The following STK4 variants were observed in gnomAD, a reference collection of about 807,000 sequenced individuals.
The protein encoded by STK4 is serine/threonine-protein kinase 4.
In STK4, 30 loss-of-function variants were observed where a neutral mutation model predicts 64.9. The ratio of observed to expected loss-of-function variants is 0.46; its 90% confidence interval spans 0.35 to 0.63. The LOEUF (loss-of-function observed/expected upper bound fraction) is 0.63. STK4 is among the 20% of genes least tolerant of loss of function. The probability of loss-of-function intolerance (pLI) is 0.01; values close to 1 mark genes in which losing one functional copy is unlikely to be tolerated. For synonymous variants in STK4, 177 were observed against 199.0 expected, an observed-to-expected ratio of 0.89 and a Z score of 0.93; for missense variants, 466 against 598.5, an observed-to-expected ratio of 0.78 and a Z score of 2.31.
At chr20:45,064,950 T>C (rs1979436464) in intron 10 of STK4, among the ~76,000 whole-genome samples, 1 of 152,220 alleles carries the variant, frequency 6.6e-6, no homozygotes, top group Admixed American at 6.5e-5. Context: ...TTTCTTTCTC[T>C]TGTCTCATTG....
At chr20:45,018,169 C>G (rs978791115) in intron 9 of STK4, among the ~76,000 whole-genome samples, 5 of 152,108 alleles carry the variant, frequency 3.3e-5, no homozygotes, top group African/African-American at 1.2e-4. Context: ...CATACTATTC[C>G]AAGCCAGAGG....
chr20:45,044,103 C>T (rs1429442209), intron 10 of STK4, among the ~76,000 whole-genome samples: 1 of 152,220 alleles, frequency 6.6e-6, no homozygotes, highest in Non-Finnish European at 1.5e-5. Context: ...TTCTTCCTTT[C>T]TTTTCCTTAC....
At chr20:44,973,680 A>G (rs944715551) in intron 2 of STK4, among the ~76,000 whole-genome samples, 16 of 152,196 alleles carry the variant, frequency 1.1e-4, no homozygotes, top group Admixed American at 3.3e-4. Flanking sequence ...TCCTTGCTCT[A>G]CTGTTTACTG....
At chr20:45,074,600 G>T (rs972185736) in intron 10 of STK4, among the ~76,000 whole-genome samples, 1 of 152,132 alleles carries the variant, frequency 6.6e-6, no homozygotes, top group Admixed American at 6.5e-5. Context: ...AGTGGGAAAG[G>T]CGCTGTCCAG....
Position 45,075,254 on chromosome 20 carries a change from C to A in STK4, c.*78C>A. The A allele has an allele frequency of 1.3e-6, 2 of 1,543,216 alleles. No homozygotes were observed. Among genetic ancestry groups the A allele is most frequent in the Non-Finnish European group, 1.7e-6 (2 of 1,144,082 alleles). On this transcript the variant is annotated 3_prime_UTR_variant, in exon 11 of 11. Coordinates refer to ENST00000372806, the MANE Select transcript of STK4 (RefSeq NM_006282.5). ...GGATGGCTTGCCTCATGTTTGTTAGCCAGCACTTCTGCTCTGTCGTCTCTC... is the reference window on the plus strand; with the variant it reads ...GGATGGCTTGCCTCATGTTTGTTAGACAGCACTTCTGCTCTGTCGTCTCTC...
At chr20:44,986,507 A>G (rs899017661) in intron 4 of STK4, among the ~76,000 whole-genome samples, 2 of 151,706 alleles carry the variant, frequency 1.3e-5, no homozygotes, top group South Asian at 2.1e-4. Context: ...CTTGGTAAGG[A>G]CTGACTTTTA....
In STK4 at chr20:44,966,529, A is replaced by G. The variant is rs1413745319; in HGVS notation, c.-40A>G. The G allele has an allele frequency of 5.6e-6, 7 of 1,257,292 alleles. No homozygotes were observed. Among genetic ancestry groups the G allele is most frequent in the South Asian group, 6.9e-5 (2 of 28,792 alleles). 77.9% of individuals were successfully genotyped at this position (1,257,292 alleles called of 1,614,324 possible). A position where few individuals can be genotyped will look rare whatever the true frequency, so the allele number is the denominator to read the frequency against. On this transcript the variant is annotated 5_prime_UTR_variant, in exon 1 of 11. The change abolishes an upstream ATG in the 5' untranslated region. Coordinates refer to ENST00000372806, the MANE Select transcript of STK4 (RefSeq NM_006282.5). ...GCGGGCTCAGGAGGTCCGCGGGAGGATGGAGCAGTGAGCGGGTCTGGGCGG... is the reference window on the plus strand; with the variant it reads ...GCGGGCTCAGGAGGTCCGCGGGAGGGTGGAGCAGTGAGCGGGTCTGGGCGG...
chr20:45,052,346 A>G (rs1249035273), intron 10 of STK4, among the ~76,000 whole-genome samples: 1 of 152,208 alleles, frequency 6.6e-6, no homozygotes, highest in East Asian at 1.9e-4. Flanking sequence ...ATATTATTTT[A>G]CACAGCTGAG....
At chr20:45,031,766 G>A (rs1486225083) in intron 10 of STK4, among the ~76,000 whole-genome samples, 1 of 152,034 alleles carries the variant, frequency 6.6e-6, no homozygotes, top group East Asian at 1.9e-4. Context: ...AGTTGGGCGT[G>A]GTGGCAGATG....
At chr20:45,007,120 C>T (rs1232038660) in intron 9 of STK4, among the ~76,000 whole-genome samples, 1 of 152,118 alleles carries the variant, frequency 6.6e-6, no homozygotes. Flanking sequence ...CTTAGCACTT[C>T]AGCTCATTCC....
At chr20:44,990,820 C>T (rs1261500448) in intron 5 of STK4, among the ~76,000 whole-genome samples, 1 of 152,168 alleles carries the variant, frequency 6.6e-6, no homozygotes, top group Non-Finnish European at 1.5e-5. Context: ...CTTCTTAACT[C>T]TTTCAACCCA....
At chr20:45,022,213 T>C (rs1373278816) in intron 9 of STK4, among the ~76,000 whole-genome samples, 2 of 152,230 alleles carry the variant, frequency 1.3e-5, no homozygotes, top group Non-Finnish European at 2.9e-5. Context: ...CTAATACATA[T>C]GTGCATTTTA....
intron 10 of STK4, among the ~76,000 whole-genome samples, chr20:45,065,081 G>A (rs1463826868): frequency 6.6e-6 from 1 of 151,496 alleles, no homozygotes; most frequent in East Asian, 1.9e-4. Context: ...TTTGCTGTGG[G>A]TTTTTAGTAA....
chr20:44,973,718 A>G (rs2067291366), intron 2 of STK4, among the ~76,000 whole-genome samples: 2 of 152,210 alleles, frequency 1.3e-5, no homozygotes, highest in African/African-American at 4.8e-5. Flanking sequence ...GGCTTAAGCA[A>G]ATTGCTTACT....
Position 45,078,876 on chromosome 20 carries a change from C to T in STK4, c.*3700C>T, listed in dbSNP as rs1980719398. 1 of 152,450 alleles carries T rather than the reference C, an allele frequency of 6.6e-6. No homozygotes were observed. The highest frequency in any genetic ancestry group is 1.5e-5 in the Non-Finnish European group (1 of 68,020). The allele number at this position is 152,450 out of a possible 1,614,324, so 9.4% of individuals were successfully genotyped here. ...GAAGGAGAGAAGCGACATCATGATA[C>T]ATCCTATGGGTATTAAAAAGCCAAT... On this transcript the variant is annotated 3_prime_UTR_variant, in exon 11 of 11. Coordinates refer to ENST00000372806, the MANE Select transcript of STK4 (RefSeq NM_006282.5).
intron 7 of STK4, 103 bp from the exon 8 acceptor site, chr20:45,000,289 A>G: frequency 7.2e-7 from 1 of 1,394,964 alleles, no homozygotes; most frequent in Non-Finnish European, 9.6e-7. Context: ...AGATTCGTTG[A>G]TTGATTCAAC....
chr20:45,042,077 A>T (rs2068622704), intron 10 of STK4, among the ~76,000 whole-genome samples: 1 of 152,214 alleles, frequency 6.6e-6, no homozygotes, highest in Admixed American at 6.5e-5. Context: ...AATGGCTGAA[A>T]TTTAAAATGT....
intron 1 of STK4, among the ~76,000 whole-genome samples, chr20:44,970,191 G>T (rs2067219196): frequency 6.6e-6 from 1 of 151,474 alleles, no homozygotes; most frequent in Non-Finnish European, 1.5e-5. Flanking sequence ...TAACTAACCT[G>T]CACATTGTGC....
intron 10 of STK4, among the ~76,000 whole-genome samples, chr20:45,071,509 A>G (rs1311851920): frequency 6.6e-6 from 1 of 152,136 alleles, no homozygotes; most frequent in African/African-American, 2.4e-5. Context: ...TTAAGCCCCA[A>G]AGTTCTTAGG....
Sources: gnomAD v4.1 joint callset for allele counts (sites outside exome capture counted in the v4.1 genomes callset) on GRCh38, gnomAD v4.1.1 for gene constraint, MANE v1.5 for transcripts, NCBI Gene and HGNC (gene_info 2026-07-23, HGNC 2026-07-21) for gene names.